ASAH2: variants seen among roughly 807,000 people sequenced by gnomAD.
ASAH2 encodes N-acylsphingosine amidohydrolase 2, also known as neutral ceramidase.
Under a neutral mutation model 82.9 loss-of-function variants are expected in ASAH2, and 58 were observed. The observed-to-expected ratio is 0.70, with a 90% CI of 0.57 to 0.87. The LOEUF is 0.87. ASAH2 is among the 40% of genes least tolerant of loss of function. The pLI is 0.00. For missense variants in ASAH2, 779 were observed against 834.0 expected, an observed-to-expected ratio of 0.93 and a Z score of 0.81; for synonymous variants, 276 against 289.7, an observed-to-expected ratio of 0.95 and a Z score of 0.48.
At position 50,204,922 on chromosome 10, in the gene ASAH2, CAAT is replaced by C; in HGVS notation, c.1561_1563del (p.Ile521del). The C allele has an allele frequency of 6.2e-7, 1 of 1,611,490 alleles. No individual in the cohort carries two copies. Among genetic ancestry groups the C allele is most frequent in the Non-Finnish European group, 8.5e-7 (1 of 1,178,726 alleles). ...CCAAGGGTAATAATCTGAACATCAA[CAAT>C]GTCTGGATGCCAGGGGTGAGGTTTT... On this transcript the variant is annotated inframe_deletion, in exon 14 of 21. Coordinates refer to ENST00000682911, the MANE Select transcript of ASAH2 (RefSeq NM_019893.4).
chr10:50,187,586 T>C (rs1844785494), intron 20 of ASAH2, 82 bp from the exon 21 acceptor site: 1 of 51,856 alleles, frequency 1.9e-5, no homozygotes, highest in Admixed American at 2.6e-4. Flanking sequence ...TGATTATTCA[T>C]TTAATGAATA....
intron 7 of ASAH2, among the ~76,000 whole-genome samples, chr10:50,224,369 A>G (rs1011983526): frequency 6.6e-6 from 1 of 152,096 alleles, no homozygotes; most frequent in African/African-American, 2.4e-5. Context: ...AGCTCTGAGC[A>G]TAAATAAATA....
At position 50,184,884 on chromosome 10, in the gene ASAH2, T is replaced by C. The variant is rs1024482710; in HGVS notation, c.*2431A>G. 57 of 151,402 alleles carry C rather than the reference T, an allele frequency of 3.8e-4. No individual in the cohort carries two copies. The highest frequency in any genetic ancestry group is 2.8e-4 in the Non-Finnish European group (19 of 67,650). 9.4% of individuals were successfully genotyped at this position (151,402 alleles called of 1,614,324 possible). On this transcript the variant is annotated 3_prime_UTR_variant, in exon 21 of 21. Transcript: ENST00000682911. ...ACTTTTATGAGTGTAATTCTTAATT[T>C]ATTATTAAATAATCCATTGAATATT...
At position 50,245,250 on chromosome 10, in the gene ASAH2, C is replaced by T. The variant is rs759795155; in HGVS notation, c.332G>A (p.Cys111Tyr). The T allele has an allele frequency of 3.1e-6, 5 of 1,614,104 alleles. No homozygotes were observed. The highest frequency in any genetic ancestry group is 4.2e-6 in the Non-Finnish European group (5 of 1,179,970). Residue 111 changes from cysteine (C) to tyrosine (Y), a missense_variant, in exon 3 of 21, where the codon TGC becomes TAC. Cys to Tyr is a radical substitution (Grantham distance 194, BLOSUM62 -2). Transcript: ENST00000682911. Reference protein sequence around the residue: ...GYHIGVGRADCTGQVADINLM... With the variant: ...GYHIGVGRADYTGQVADINLM... ...ATTGATATCTGCTACTTGTCCTGTG[C>T]AGTCAGCTCGTCCAACACCAATATG...
At chr10:50,233,342 C>A in intron 6 of ASAH2, 81 bp from the exon 7 acceptor site, 6 of 988,504 alleles carry the variant, frequency 6.1e-6, no homozygotes, top group Admixed American at 3.6e-5. Flanking sequence ...GCAGCTGACA[C>A]AAAAACAAAA....
At chr10:50,223,770 A>G (rs1845807579) in intron 7 of ASAH2, among the ~76,000 whole-genome samples, 1 of 152,202 alleles carries the variant, frequency 6.6e-6, no homozygotes, top group Non-Finnish European at 1.5e-5. Flanking sequence ...AATGACTAGC[A>G]TCGTTACAAG....
chr10:50,228,708 A>G (rs1289658024), intron 7 of ASAH2, among the ~76,000 whole-genome samples: 3 of 152,090 alleles, frequency 2.0e-5, no homozygotes, highest in African/African-American at 7.2e-5. Context: ...GACTATAAGA[A>G]TAAAAGGGTT....
intron 2 of ASAH2, among the ~76,000 whole-genome samples, chr10:50,246,850 G>C (rs1298637730): frequency 1.3e-5 from 2 of 152,188 alleles, no homozygotes; most frequent in Non-Finnish European, 2.9e-5. Context: ...GCATAGGAAT[G>C]TCATGCCAAC....
Position 50,206,029 on chromosome 10 carries a change from T to C in ASAH2, c.1483A>G (p.Ile495Val). The C allele has an allele frequency of 1.9e-6, 3 of 1,612,706 alleles. No individual in the cohort carries two copies. The highest frequency in any genetic ancestry group is 2.5e-6 in the Non-Finnish European group (3 of 1,178,934). The change falls in exon 13 of 21, where the codon ATT becomes GTT. Residue 495 changes from isoleucine (I) to valine (V), a missense_variant. By Grantham distance (29) the Ile-to-Val change is conservative. Transcript: ENST00000682911. ...GGCTTTGGTTTATGACATTCTTTAA[T>C]TTCTTCAGATGGCTTTCCCAGGATC... The part of the protein sequence containing the change: ...DQILGKPSEE[I>V]KECHKPKPIL...
rs1189053980 is a variant in ASAH2, at chr10:50,202,918, C to T, written c.1672G>A (p.Ala558Thr). The change falls in exon 16 of 21, where the codon GCA becomes ACA. Residue 558 changes from alanine (A) to threonine (T), a missense_variant. Ala to Thr is a moderately conservative substitution (Grantham distance 58, BLOSUM62 0). Coordinates refer to ENST00000682911, the MANE Select transcript of ASAH2 (RefSeq NM_019893.4). ...RLREAVQAEF[A>T]SHGMQNMTVV... is the part of the protein sequence containing the mutation. ...GTCATGTTCTGCATCCCATGAGATGCAAATTCCTAGGAGAGAAAGGTAAAA... is the reference window on the plus strand; with the variant it reads ...GTCATGTTCTGCATCCCATGAGATGTAAATTCCTAGGAGAGAAAGGTAAAA... 6.2e-7 allele frequency: 1 copy of T among 1,606,358 alleles called. No homozygotes were observed. Among genetic ancestry groups the T allele is most frequent in the African/African-American group, 1.3e-5 (1 of 74,662 alleles).
intron 8 of ASAH2, among the ~76,000 whole-genome samples, chr10:50,215,713 T>C (rs1369387995): frequency 1.3e-5 from 2 of 152,124 alleles, no homozygotes; most frequent in Admixed American, 6.6e-5. Flanking sequence ...CCTTGTAGTA[T>C]AGTTTGAAGT....
intron 2 of ASAH2, among the ~76,000 whole-genome samples, chr10:50,246,474 A>G (rs1039479367): frequency 5.9e-5 from 9 of 152,202 alleles, no homozygotes; most frequent in African/African-American, 2.2e-4. Context: ...CAAGGCATCA[A>G]ATATCAGTGT....
intron 17 of ASAH2, among the ~76,000 whole-genome samples, chr10:50,197,856 T>C (rs1845025980): frequency 6.6e-6 from 1 of 151,936 alleles, no homozygotes; most frequent in Admixed American, 6.6e-5. Context: ...TAGTTATCTC[T>C]AGGGATGGAT....
rs1306710415 is a variant in ASAH2, at chr10:50,185,312, C to T, written c.*2003G>A. 2 of 145,262 alleles carry T rather than the reference C, an allele frequency of 1.4e-5. No homozygotes were observed. The highest frequency in any genetic ancestry group is 5.2e-5 in the African/African-American group (2 of 38,520). The allele number at this position is 145,262 out of a possible 1,614,324, so 9.0% of individuals were successfully genotyped here. On this transcript the variant is annotated 3_prime_UTR_variant, in exon 21 of 21. Coordinates refer to ENST00000682911, the MANE Select transcript of ASAH2 (RefSeq NM_019893.4). ...CACATGAACTGCGAACATAGAACTG[C>T]ATGCCCTAGAAGAAATGACAGCTGG...
intron 12 of ASAH2, among the ~76,000 whole-genome samples, chr10:50,207,367 A>C (rs1295632849): frequency 6.6e-6 from 1 of 151,918 alleles, no homozygotes; most frequent in Non-Finnish European, 1.5e-5. Context: ...AGAAAACAGA[A>C]AAATCAATGA....
chr10:50,233,682 A>G (rs1846072399), intron 6 of ASAH2, among the ~76,000 whole-genome samples: 1 of 152,114 alleles, frequency 6.6e-6, no homozygotes, highest in African/African-American at 2.4e-5. Flanking sequence ...CTCAAGGGAA[A>G]TCAGATTACA....
intron 5 of ASAH2, among the ~76,000 whole-genome samples, chr10:50,235,678 C>T (rs906354362): frequency 2.4e-4 from 36 of 152,066 alleles, no homozygotes; most frequent in Non-Finnish European, 4.9e-4. Flanking sequence ...CCCATAGAAG[C>T]CTTCTTTTCC....
intron 4 of ASAH2, among the ~76,000 whole-genome samples, chr10:50,238,999 A>T (rs1308123870): frequency 2.6e-5 from 4 of 152,212 alleles, no homozygotes; most frequent in African/African-American, 9.6e-5. Flanking sequence ...AGTTCATGAA[A>T]GGAGGGTATT....
At chr10:50,233,045 G>T in intron 7 of ASAH2, 139 bp downstream of exon 7, 2 of 761,502 alleles carry the variant, frequency 2.6e-6, no homozygotes, top group Non-Finnish European at 4.7e-6. Flanking sequence ...GACCCCAGTT[G>T]TGTCTGACTT....
Sources: allele counts gnomAD v4.1 joint callset (sites outside exome capture counted in the v4.1 genomes callset), GRCh38; gene constraint gnomAD v4.1.1; transcripts MANE v1.5; gene names NCBI Gene and HGNC (gene_info 2026-07-23, HGNC 2026-07-21).